Variants in IFIH1 observed in about 807,000 individuals in gnomAD.
IFIH1 encodes the protein interferon-induced helicase C domain-containing protein 1.
In IFIH1, 125 loss-of-function variants were observed where a neutral mutation model predicts 107.4. The observed-to-expected ratio is 1.16, with a 90% CI of 1.01 to 1.35. IFIH1 has a LOEUF of 1.35. IFIH1 is among the 40% of genes most tolerant of loss of function. IFIH1 has a pLI of 0.00. For missense variants in IFIH1, 1,333 were observed against 1,213.7 expected (o/e 1.10, Z -1.46); for synonymous variants, 458 against 413.2 (o/e 1.11, Z -1.31).
intron 4 of IFIH1, among the ~76,000 whole-genome samples, chr2:162,288,598 G>A (rs1369706725): frequency 6.6e-6 from 1 of 151,918 alleles, no homozygotes; most frequent in East Asian, 1.9e-4. Context: ...AACTAATTAA[G>A]AGGACTGGAA....
intron 4 of IFIH1, among the ~76,000 whole-genome samples, chr2:162,292,588 A>C (rs1683013542): frequency 6.6e-6 from 1 of 151,900 alleles, no homozygotes; most frequent in African/African-American, 2.4e-5. Flanking sequence ...ATCAATTTTT[A>C]TAATTCTTCT....
chr2:162,307,512 T>C (rs1558875279), intron 2 of IFIH1, among the ~76,000 whole-genome samples: 1 of 152,250 alleles, frequency 6.6e-6, no homozygotes, highest in Non-Finnish European at 1.5e-5. Context: ...TCTTTTCTTC[T>C]TTCCTCCATT....
Position 162,288,368 on chromosome 2 carries a change from GA to G in IFIH1, c.875-14del. The G allele has an allele frequency of 6.3e-7, 1 of 1,598,344 alleles. No homozygotes were observed. The highest frequency in any genetic ancestry group is 8.6e-7 in the Non-Finnish European group (1 of 1,167,738). On this transcript the variant is annotated splice_polypyrimidine_tract_variant and intron_variant, in intron 4 of 15. Transcript: ENST00000649979. ...ACATTCTCTTCATCTGAAGAAGGTT[GA>G]AAAGAAAAATAAGAGAAGGGACAAC... is the stretch of plus-strand genomic sequence containing the variant.
Position 162,318,000 on chromosome 2 carries a change from G to A in IFIH1, c.308C>T (p.Pro103Leu). Residue 103 changes from proline (P) to leucine (L), a missense_variant, in exon 1 of 16, where the codon CCC becomes CTC. Physicochemically the swap from Pro to Leu is moderately conservative, Grantham distance 98 (BLOSUM62 -3). Transcript: ENST00000649979. ...RYMNPELTDLPSPSFENAHDE... is the reference protein window; with the variant it reads ...RYMNPELTDLLSPSFENAHDE... ...ATGAGCGTTCTCAAACGATGGAGAGGGCAAGTCCGTGAGCTCAGGGTTCAT... is the reference window on the plus strand; with the variant it reads ...ATGAGCGTTCTCAAACGATGGAGAGAGCAAGTCCGTGAGCTCAGGGTTCAT... The A allele has an allele frequency of 6.2e-7, 1 of 1,614,196 alleles. No individual in the cohort carries two copies. The highest frequency in any genetic ancestry group is 8.5e-7 in the Non-Finnish European group (1 of 1,180,040).
intron 1 of IFIH1, among the ~76,000 whole-genome samples, chr2:162,317,180 C>T (rs902123827): frequency 4.6e-5 from 7 of 152,116 alleles, no homozygotes; most frequent in African/African-American, 1.7e-4. Context: ...CAGTCTCCAT[C>T]CAATTGCCTT....
intron 3 of IFIH1, among the ~76,000 whole-genome samples, chr2:162,305,427 G>A (rs1174331779): frequency 2.6e-5 from 4 of 151,998 alleles, no homozygotes; most frequent in Admixed American, 6.6e-5. Context: ...AAAATTAGCC[G>A]GGCATGGTGG....
chr2:162,267,432 C>T (rs1202957461), intron 15 of IFIH1, 47 bp downstream of exon 15: 2 of 1,612,166 alleles, frequency 1.2e-6, no homozygotes, highest in East Asian at 2.2e-5. Context: ...TGCAATTAAA[C>T]ATTCCTGTTG....
chr2:162,300,930 A>G (rs1224812991), intron 3 of IFIH1, among the ~76,000 whole-genome samples: 4 of 152,186 alleles, frequency 2.6e-5, no homozygotes, highest in Non-Finnish European at 5.9e-5. Flanking sequence ...AGAAATTAGT[A>G]TAGACCAAAT....
chr2:162,310,534 G>A, intron 2 of IFIH1: 1 of 537,918 alleles, frequency 1.9e-6, no homozygotes, highest in Non-Finnish European at 3.3e-6. Flanking sequence ...AAATAAGGTA[G>A]TAGAAAGAGT....
chr2:162,309,192 C>A (rs2105229084), intron 2 of IFIH1, among the ~76,000 whole-genome samples: 1 of 152,290 alleles, frequency 6.6e-6, no homozygotes, highest in East Asian at 1.9e-4. Context: ...TGATGCTCTG[C>A]CTTCCAGGTC....
intron 3 of IFIH1, among the ~76,000 whole-genome samples, chr2:162,302,890 T>C (rs1683216359): frequency 1.3e-5 from 2 of 152,238 alleles, no homozygotes; most frequent in Non-Finnish European, 2.9e-5. Flanking sequence ...GAAATCCAGA[T>C]ATCATAAAGA....
chr2:162,310,902 G>A lies in IFIH1; in HGVS notation c.485C>T (p.Ser162Leu). 1 of 1,613,210 alleles carries A rather than the reference G, an allele frequency of 6.2e-7. No individual in the cohort carries two copies. The highest frequency in any genetic ancestry group is 8.5e-7 in the Non-Finnish European group (1 of 1,179,514). Residue 162 changes from serine to leucine, a missense_variant, in exon 2 of 16, where the codon TCA becomes TTA. Physicochemically the swap from Ser to Leu is moderately radical, Grantham distance 145. Transcript: ENST00000649979. ...IAAAENNGNE[S>L]GVRELLKRIV... is the part of the protein sequence containing the mutation. ...CCTTTTTAGTAGCTCTCTTACACCT[G>A]ATTCATTTCCATTGTTTTCTGCAGC... is the stretch of plus-strand genomic sequence containing the variant.
intron 3 of IFIH1, among the ~76,000 whole-genome samples, chr2:162,301,529 C>G (rs112287359): frequency 1.3e-5 from 2 of 152,252 alleles, no homozygotes; most frequent in African/African-American, 4.8e-5. Flanking sequence ...TTAAATGTCA[C>G]TTAATTTCCT....
chr2:162,273,028 C>G (rs763781044), intron 12 of IFIH1, among the ~76,000 whole-genome samples: 11 of 152,190 alleles, frequency 7.2e-5, no homozygotes, highest in Non-Finnish European at 1.5e-4. Context: ...CACTGACTTA[C>G]AAATAGACTC....
rs752915226 is a variant in IFIH1 at position 162,288,181 on chromosome 2, T to C, written c.1049A>G (p.Lys350Arg). The C allele has an allele frequency of 6.2e-7, 1 of 1,612,686 alleles. No individual in the cohort carries two copies. The highest frequency in any genetic ancestry group is 8.5e-7 in the Non-Finnish European group (1 of 1,179,194). Residue 350 changes from lysine to arginine, a missense_variant, in exon 5 of 16, where the codon AAG becomes AGG. Transcript: ENST00000649979. ...VYIAKDHLDK[K>R]KKASEPGKVI... The stretch of plus-strand genomic sequence containing the variant: ...TTTTCCAGGCTCAGATGCTTTTTTC[T>C]TCTTGTCTAAGTGATCCTTGGCAAT...
In IFIH1 at chr2:162,281,534, T is replaced by C; in HGVS notation, c.1318A>G (p.Ile440Val). ...AGVQLSDFSL[I>V]IIDECHHTNK... is the part of the protein sequence containing the mutation. ...GTGTGATGACATTCATCAATGATAATGAGGGAAAAGTCTTAAAAGAAAATT... is the reference window on the plus strand; with the variant it reads ...GTGTGATGACATTCATCAATGATAACGAGGGAAAAGTCTTAAAAGAAAATT... Residue 440 changes from isoleucine to valine, a missense_variant, in exon 7 of 16, where the codon ATT becomes GTT. Coordinates refer to ENST00000649979, the MANE Select transcript of IFIH1 (RefSeq NM_022168.4). The C allele has an allele frequency of 1.9e-6, 3 of 1,608,382 alleles. No homozygotes were observed. The highest frequency in any genetic ancestry group is 2.6e-6 in the Non-Finnish European group (3 of 1,175,986).
chr2:162,314,474 T>TTCTG (rs1683449578), intron 1 of IFIH1, among the ~76,000 whole-genome samples: 1 of 132,396 alleles, frequency 7.6e-6, no homozygotes, highest in East Asian at 2.2e-4. Context: ...CTTTCTTTCT[T>TTCTG]TCTTTCTTTC....
chr2:162,268,367 A>C (rs1690966075), intron 13 of IFIH1, 90 bp from the exon 14 acceptor site: 2 of 799,246 alleles, frequency 2.5e-6, no homozygotes. Flanking sequence ...TGGAGGTCTT[A>C]GTTGTGAAAA....
chr2:162,299,554 T>G (rs1219977522), intron 3 of IFIH1, among the ~76,000 whole-genome samples: 2 of 152,088 alleles, frequency 1.3e-5, no homozygotes, highest in Non-Finnish European at 2.9e-5. Flanking sequence ...TGTGTGGAGC[T>G]GGAAAGAGAT....
Sources: gnomAD v4.1 joint callset for allele counts (sites outside exome capture counted in the v4.1 genomes callset) on GRCh38, gnomAD v4.1.1 for gene constraint, MANE v1.5 for transcripts, NCBI Gene and HGNC (gene_info 2026-07-23, HGNC 2026-07-21) for gene names.